Variants in CTNNA2 observed in about 807,000 individuals in gnomAD.
CTNNA2 encodes catenin alpha 2, also known as catenin alpha-2.
CTNNA2 carries 42 observed loss-of-function variants against 101.0 expected under a neutral mutation model. The ratio of observed to expected loss-of-function variants is 0.42; its 90% CI spans 0.32 to 0.54. CTNNA2 has a LOEUF of 0.54. Ranked by LOEUF, CTNNA2 falls within the 20% of genes least tolerant of loss-of-function variation. The pLI is 0.14. For missense variants in CTNNA2, 871 were observed against 1,223.1 expected, an observed-to-expected ratio of 0.71 and a Z score of 4.29; for synonymous variants, 450 against 456.4, an observed-to-expected ratio of 0.99 and a Z score of 0.18.
At chr2:79,763,896 A>C (rs80056244) in intron 3 of CTNNA2, among the ~76,000 whole-genome samples, 1 of 152,204 alleles carries the variant, frequency 6.6e-6, no homozygotes, top group East Asian at 1.9e-4. Context: ...TATCAAATGG[A>C]TATAAGTTGT....
chr2:79,546,137 T>C (rs1361451886), intron 1 of CTNNA2, among the ~76,000 whole-genome samples: 1 of 152,132 alleles, frequency 6.6e-6, no homozygotes, highest in African/African-American at 2.4e-5. Context: ...GAGTTAGCCT[T>C]GTACAGTGAG....
chr2:79,246,259 C>A (rs2104264286), intron 2 of CTNNA2, among the ~76,000 whole-genome samples: 1 of 152,212 alleles, frequency 6.6e-6, no homozygotes, highest in East Asian at 1.9e-4. Context: ...GCCTTTATGA[C>A]CTATAGTTCT....
At chr2:79,678,441 G>A (rs1314209241) in intron 2 of CTNNA2, among the ~76,000 whole-genome samples, 2 of 151,776 alleles carry the variant, frequency 1.3e-5, no homozygotes, top group Non-Finnish European at 2.9e-5. Context: ...AGGCTGAGGT[G>A]GGAGGATCAC....
At chr2:80,296,982 G>A (rs1386656078) in intron 7 of CTNNA2, among the ~76,000 whole-genome samples, 2 of 152,192 alleles carry the variant, frequency 1.3e-5, no homozygotes, top group Non-Finnish European at 2.9e-5. Flanking sequence ...ACATATGGAT[G>A]TCTCTACTTT....
intron 3 of CTNNA2, among the ~76,000 whole-genome samples, chr2:79,373,350 C>T (rs1677914618): frequency 6.6e-6 from 1 of 152,102 alleles, no homozygotes; most frequent in African/African-American, 2.4e-5. Flanking sequence ...TAAAGTATTC[C>T]TGCCCTCTAG....
intron 2 of CTNNA2, among the ~76,000 whole-genome samples, chr2:79,289,333 A>G (rs766109098): frequency 2.0e-5 from 3 of 152,134 alleles, no homozygotes; most frequent in Non-Finnish European, 4.4e-5. Context: ...TAATTTTCAT[A>G]GGTAAATATA....
At chr2:79,967,964 A>G (rs1331633127) in intron 7 of CTNNA2, among the ~76,000 whole-genome samples, 1 of 152,214 alleles carries the variant, frequency 6.6e-6, no homozygotes, top group Non-Finnish European at 1.5e-5. Flanking sequence ...ATGGTTATAT[A>G]TTGCATGATT....
intron 7 of CTNNA2, among the ~76,000 whole-genome samples, chr2:80,013,000 CA>C (rs1264167627): frequency 6.6e-6 from 1 of 152,028 alleles, no homozygotes; most frequent in Admixed American, 6.6e-5. Flanking sequence ...TCTGTCTCTA[CA>C]AAAAGTTTTT....
chr2:79,793,286 G>A (rs903729521), intron 3 of CTNNA2, among the ~76,000 whole-genome samples: 5 of 152,172 alleles, frequency 3.3e-5, no homozygotes, highest in Admixed American at 2.0e-4. Context: ...TACTCACAGC[G>A]CAGAAAGCAG....
intron 4 of CTNNA2, among the ~76,000 whole-genome samples, chr2:79,414,417 A>G (rs961490699): frequency 1.3e-5 from 2 of 152,114 alleles, no homozygotes; most frequent in Non-Finnish European, 2.9e-5. Context: ...TAAAAACACT[A>G]GCTCAATGAG....
At chr2:80,349,789 G>T (rs728336) in intron 7 of CTNNA2, among the ~76,000 whole-genome samples, 48,309 of 151,880 alleles carry the variant, frequency 0.32, 8,529 homozygotes, top group African/African-American at 0.48. Flanking sequence ...GGAGTTGCTG[G>T]CATTCAGGCA....
At chr2:80,184,647 T>G (rs1359289534) in intron 7 of CTNNA2, among the ~76,000 whole-genome samples, 1 of 152,148 alleles carries the variant, frequency 6.6e-6, no homozygotes, top group African/African-American at 2.4e-5. Flanking sequence ...TAGTGTGCAA[T>G]GAACTCCCCA....
chr2:79,619,382 A>G (rs555130971), intron 1 of CTNNA2, among the ~76,000 whole-genome samples: 96 of 152,356 alleles, frequency 6.3e-4, no homozygotes, highest in Admixed American at 1.7e-3. Context: ...GGCACCTGCA[A>G]TAGCAACATT....
intron 6 of CTNNA2, among the ~76,000 whole-genome samples, chr2:79,876,221 T>C (rs1218136777): frequency 1.3e-5 from 2 of 152,126 alleles, no homozygotes; most frequent in Non-Finnish European, 2.9e-5. Context: ...GATTTTTGTT[T>C]GTTTGTCTTT....
chr2:79,739,444 G>A (rs1671126331), intron 2 of CTNNA2, among the ~76,000 whole-genome samples: 1 of 152,132 alleles, frequency 6.6e-6, no homozygotes, highest in South Asian at 2.1e-4. Context: ...CCATGTTCTA[G>A]TAACATATTC....
intron 6 of CTNNA2, among the ~76,000 whole-genome samples, chr2:79,878,884 A>G (rs1683215760): frequency 6.6e-6 from 1 of 152,142 alleles, no homozygotes; most frequent in Non-Finnish European, 1.5e-5. Context: ...TTTCATCATG[A>G]AGTCTTTGCC....
At position 80,420,769 on chromosome 2, in the gene CTNNA2, C is replaced by G. The variant is rs184164770; in HGVS notation, c.1290+1168C>G. Among the ~76,000 whole-genome samples the G allele has an allele frequency of 1.5e-3, 234 of 152,266 alleles. 3 individuals are homozygous for G. The highest frequency in any genetic ancestry group is 5.2e-3 in the African/African-American group (214 of 41,548). Reference sequence around the variant, plus strand: ...ACCCAGCCAACAGGAAGTCCTACATCAAGCCTCTGCTTCTCTAGGATACAG... The same window carrying G: ...ACCCAGCCAACAGGAAGTCCTACATGAAGCCTCTGCTTCTCTAGGATACAG... On this transcript the variant is annotated intron_variant, in intron 9 of 18. Transcript: ENST00000402739.
At chr2:79,789,296 C>G (rs533841071) in intron 3 of CTNNA2, among the ~76,000 whole-genome samples, 1 of 152,156 alleles carries the variant, frequency 6.6e-6, no homozygotes, top group South Asian at 2.1e-4. Flanking sequence ...TTGGAAAAAG[C>G]TGAGAGATTT....
intron 2 of CTNNA2, among the ~76,000 whole-genome samples, chr2:79,669,744 G>C (rs1412446620): frequency 6.6e-6 from 1 of 152,306 alleles, no homozygotes; most frequent in East Asian, 1.9e-4. Context: ...TCTGCAGCTG[G>C]TCAAGGATGG....
Sources: gnomAD v4.1 joint callset for allele counts (sites outside exome capture counted in the v4.1 genomes callset) on GRCh38, gnomAD v4.1.1 for gene constraint, MANE v1.5 for transcripts, NCBI Gene and HGNC (gene_info 2026-07-23, HGNC 2026-07-21) for gene names.